The following DLGAP4 variants were observed in gnomAD, a reference collection of about 807,000 sequenced individuals.
DLGAP4 encodes the protein DLG associated protein 4, also known as disks large-associated protein 4.
A neutral mutation model predicts 86.9 loss-of-function variants in DLGAP4; 18 were observed. That is an observed-to-expected ratio of 0.21 (90% CI 0.14 to 0.31). The LOEUF (loss-of-function observed/expected upper bound fraction) is 0.31, where lower values mean the gene tolerates loss of function less well. Among genes scored for constraint, DLGAP4 ranks in the 10% least tolerant of loss-of-function variants. The pLI is 1.00. For missense variants in DLGAP4, 1,085 were observed against 1,362.6 expected, an observed-to-expected ratio of 0.80 and a Z score of 3.21; for synonymous variants, 548 against 574.3, an observed-to-expected ratio of 0.95 and a Z score of 0.65.
chr20:36,526,878 C>T lies in DLGAP4; in HGVS notation c.2826C>T (p.Arg942=), dbSNP rs776281416. Residue 942 remains arginine, a synonymous_variant, in exon 13 of 13, where the codon CGC becomes CGT. Transcript: ENST00000339266. ...CCAAATCCAAGCCGGCAGTGAGCCG[C>T]GACAAGGCCTCAGACGCCAGCGACA... ...KPAKSKPAVS[R]DKASDASDKQ... 38 of 1,612,670 alleles carry T rather than the reference C, an allele frequency of 2.4e-5. No homozygotes were observed. Among genetic ancestry groups the T allele is most frequent in the African/African-American group, 8.0e-5 (6 of 74,814 alleles).
chr20:36,329,481 C>T (rs1461631157), intron 1 of DLGAP4, among the ~76,000 whole-genome samples: 2 of 152,212 alleles, frequency 1.3e-5, no homozygotes, highest in East Asian at 1.9e-4. Context: ...CCAGACACAG[C>T]GCAAACCTTG....
chr20:36,319,622 G>A lies in DLGAP4; in HGVS notation c.-304+13110G>A, dbSNP rs537916763. Among the ~76,000 whole-genome samples the A allele has an allele frequency of 6.6e-5, 10 of 152,322 alleles. No individual in the cohort carries two copies. The South Asian group carries it at 1.9e-3, about 28-fold the overall frequency. On this transcript the variant is annotated intron_variant, in intron 1 of 12. Coordinates refer to ENST00000339266, the MANE Select transcript of DLGAP4 (RefSeq NM_001365621.2). Reference sequence around the variant, plus strand: ...ACAGTGCTTGTCCCCATCTCACAGAGGTGGGAAACCGGGGCCACAGATGAC... The same window carrying A: ...ACAGTGCTTGTCCCCATCTCACAGAAGTGGGAAACCGGGGCCACAGATGAC...
intron 2 of DLGAP4, among the ~76,000 whole-genome samples, chr20:36,405,874 T>TC (rs1186879818): frequency 6.6e-6 from 1 of 152,080 alleles, no homozygotes; most frequent in Non-Finnish European, 1.5e-5. Flanking sequence ...GCCAGGCTGG[T>TC]CCCCAAGAGC....
At chr20:36,349,233 A>G (rs942972470) in intron 1 of DLGAP4, among the ~76,000 whole-genome samples, 10 of 150,300 alleles carry the variant, frequency 6.7e-5, no homozygotes, top group Non-Finnish European at 1.0e-4. Flanking sequence ...CCTGGCTAAC[A>G]CGGTGAGACC....
chr20:36,501,227 G>C (rs2036132349), intron 10 of DLGAP4, among the ~76,000 whole-genome samples: 1 of 151,952 alleles, frequency 6.6e-6, no homozygotes, highest in African/African-American at 2.4e-5. Context: ...CACCACACCT[G>C]GCTGATTTTT....
At chr20:36,526,519 G>C (rs1470742278) in intron 12 of DLGAP4, among the ~76,000 whole-genome samples, 2 of 152,072 alleles carry the variant, frequency 1.3e-5, no homozygotes, top group South Asian at 4.2e-4. Context: ...GCTAGTTCCT[G>C]CCCGAGTCTC....
At chr20:36,510,653 CGCCT>C (rs1192574000) in intron 10 of DLGAP4, among the ~76,000 whole-genome samples, 1 of 152,058 alleles carries the variant, frequency 6.6e-6, no homozygotes, top group Non-Finnish European at 1.5e-5. Flanking sequence ...TCAAGTGATC[CGCCT>C]GCCTCGGCCT....
chr20:36,482,189 C>T (rs1348729011), intron 7 of DLGAP4, among the ~76,000 whole-genome samples: 1 of 152,200 alleles, frequency 6.6e-6, no homozygotes, highest in Non-Finnish European at 1.5e-5. Context: ...ACTCCAGGCC[C>T]AGTGAATGAG....
intron 1 of DLGAP4, among the ~76,000 whole-genome samples, chr20:36,343,007 A>T (rs1258462368): frequency 6.6e-6 from 1 of 152,006 alleles, no homozygotes; most frequent in African/African-American, 2.4e-5. Context: ...CACCTGAGGG[A>T]CTGAGTGAGG....
chr20:36,445,808 G>A (rs2033577614), intron 6 of DLGAP4, among the ~76,000 whole-genome samples: 1 of 152,154 alleles, frequency 6.6e-6, no homozygotes, highest in Non-Finnish European at 1.5e-5. Flanking sequence ...TGACCCCCCA[G>A]CTTATCCTCT....
intron 1 of DLGAP4, among the ~76,000 whole-genome samples, chr20:36,325,357 G>T (rs936132251): frequency 5.9e-5 from 9 of 152,070 alleles, no homozygotes; most frequent in Non-Finnish European, 1.3e-4. Context: ...AATGTATTGA[G>T]ACTTGTTTAA....
intron 7 of DLGAP4, 45 bp downstream of exon 7, chr20:36,446,982 G>A: frequency 1.9e-6 from 3 of 1,555,990 alleles, no homozygotes; most frequent in Non-Finnish European, 2.6e-6. Context: ...TTTTCAAGGG[G>A]ACCCCAAGGA....
chr20:36,369,138 G>C (rs1358518706), intron 2 of DLGAP4, among the ~76,000 whole-genome samples: 1 of 152,214 alleles, frequency 6.6e-6, no homozygotes, highest in Non-Finnish European at 1.5e-5. Context: ...TTGCTAACAA[G>C]CTGGTTATTT....
intron 10 of DLGAP4, among the ~76,000 whole-genome samples, chr20:36,511,874 C>CAA (rs1161880479): frequency 0.036 from 2,772 of 76,862 alleles, 110 homozygotes; most frequent in African/African-American, 0.11. Context: ...GACCCTGTCT[C>CAA]AAAAAAAAAA....
chr20:36,436,395 C>T, intron 4 of DLGAP4, 45 bp downstream of exon 4: 2 of 1,531,028 alleles, frequency 1.3e-6, no homozygotes, highest in Non-Finnish European at 1.7e-6. Flanking sequence ...AGAGGCAAGC[C>T]CCGCCCACTA....
chr20:36,496,721 G>A lies in DLGAP4; in HGVS notation c.1665G>A (p.Val555=). 6.2e-7 allele frequency: 1 copy of A among 1,606,108 alleles called. No individual in the cohort carries two copies. Among genetic ancestry groups the A allele is most frequent in the Non-Finnish European group, 8.5e-7 (1 of 1,173,372 alleles). The part of the protein sequence containing the change: ...SRTLPSSSCL[V]AYKKTPPPVP... ...CATCTGCAGGTTCATCATGCCTAGT[G>A]GCGTATAAGAAGACCCCGCCACCGG... Residue 555 remains valine, a synonymous_variant, in exon 8 of 13, where the codon GTG becomes GTA. Transcript: ENST00000339266.
chr20:36,396,476 T>TACAC (rs1569484730), intron 2 of DLGAP4, among the ~76,000 whole-genome samples: 3 of 9,912 alleles, frequency 3.0e-4, no homozygotes, highest in African/African-American at 7.2e-4. Flanking sequence ...CACATACACA[T>TACAC]CACACACACC....
At chr20:36,510,696 C>A (rs2036643570) in intron 10 of DLGAP4, among the ~76,000 whole-genome samples, 1 of 152,124 alleles carries the variant, frequency 6.6e-6, no homozygotes, top group African/African-American at 2.4e-5. Flanking sequence ...CAGGTGTGAG[C>A]CACTGCGCCC....
intron 7 of DLGAP4, chr20:36,461,486 G>C: frequency 5.1e-6 from 5 of 981,426 alleles, no homozygotes; most frequent in Non-Finnish European, 6.0e-6. Flanking sequence ...CCGGAGCCTC[G>C]GGCCGGGCTG....
Sources: allele counts gnomAD v4.1 joint callset (sites outside exome capture counted in the v4.1 genomes callset), GRCh38; gene constraint gnomAD v4.1.1; transcripts MANE v1.5; gene names NCBI Gene and HGNC (gene_info 2026-07-23, HGNC 2026-07-21).